Variants in PLCH2 observed in about 807,000 individuals in gnomAD.
PLCH2 encodes the protein phospholipase C eta 2.
In PLCH2, 98 loss-of-function variants were observed where a neutral mutation model predicts 134.7. The observed-to-expected ratio is 0.73, with a 90% confidence interval of 0.62 to 0.86. The LOEUF is 0.86. Ranked by LOEUF, PLCH2 falls within the 40% of genes least tolerant of loss-of-function variation. PLCH2 has a pLI of 0.00. For missense variants in PLCH2, 1,994 were observed against 1,986.6 expected (o/e 1.00, Z -0.07); for synonymous variants, 974 against 827.5 (o/e 1.18, Z -3.04).
upstream of PLCH2, among the ~76,000 whole-genome samples, chr1:2,466,424 C>G (rs1641059427): frequency 6.6e-6 from 1 of 152,236 alleles, no homozygotes; most frequent in African/African-American, 2.4e-5. Context: ...CAGCTGCGCC[C>G]AGGGGCCTTC....
intron 1 of PLCH2, among the ~76,000 whole-genome samples, chr1:2,426,824 G>T (rs1638821162): frequency 6.6e-6 from 1 of 152,266 alleles, no homozygotes; most frequent in African/African-American, 2.4e-5. Flanking sequence ...GCGTAGCCAG[G>T]CGGGCTCCAG....
rs186785235 is a variant in PLCH2, at chr1:2,491,192, G to A, written c.1516G>A (p.Ala506Thr). The change falls in exon 11 of 22, where the codon GCA (alanine) becomes ACA (threonine). Residue 506 changes from alanine (A) to threonine (T), a missense_variant and splice_region_variant. By Grantham distance (58) the Ala-to-Thr change is moderately conservative. This residue lies in a region of PLCH2 where 1,094 missense variants were observed against 1,234.3 expected (regional missense o/e 0.89). Transcript: ENST00000378486. Reference protein sequence around the residue: ...DDDCKLLNGDASTNRKRVENT... With the variant: ...DDDCKLLNGDTSTNRKRVENT... ...ACAGGCCGGCCTCTGGCTCCTGCAG[G>A]CATCCACCAATCGAAAGCGTGTAGA... The A allele has an allele frequency of 1.7e-5, 27 of 1,611,288 alleles. No homozygotes were observed. The African/African-American group carries it at 3.5e-4, about 21-fold the overall frequency.
chr1:2,442,149 G>A (rs191055918), intron 2 of PLCH2, among the ~76,000 whole-genome samples: 1,541 of 151,856 alleles, frequency 0.01, 15 homozygotes, highest in Middle Eastern at 0.034. Context: ...AGGCTCTGGG[G>A]CACAGCCAAG....
chr1:2,434,074 G>T (rs1639201627), intron 2 of PLCH2, among the ~76,000 whole-genome samples: 1 of 152,252 alleles, frequency 6.6e-6, no homozygotes, highest in Non-Finnish European at 1.5e-5. Context: ...TTCGTGGCGG[G>T]TCTCCCGTTG....
At chr1:2,479,474 G>A (rs1265414609) in intron 2 of PLCH2, 8 of 432,358 alleles carry the variant, frequency 1.9e-5, no homozygotes, top group Admixed American at 3.7e-5. Flanking sequence ...GGTGGAGGGA[G>A]GTGGATGCTC....
intron 20 of PLCH2, 41 bp from the exon 21 acceptor site, chr1:2,502,071 G>A (rs995899949): frequency 3.6e-6 from 5 of 1,408,312 alleles, no homozygotes; most frequent in Non-Finnish European, 4.6e-6. Flanking sequence ...CAGCTGGGCT[G>A]GGACCCCTGG....
the PLCH2 span, among the ~76,000 whole-genome samples, chr1:2,420,895 C>T: frequency 6.6e-6 from 1 of 151,522 alleles, no homozygotes; most frequent in Non-Finnish European, 1.5e-5. Flanking sequence ...TGTTCTGGTG[C>T]GAGTATTTTA....
intron 1 of PLCH2, among the ~76,000 whole-genome samples, chr1:2,468,211 G>T (rs556693790): frequency 6.6e-6 from 1 of 152,372 alleles, no homozygotes; most frequent in East Asian, 1.9e-4. Flanking sequence ...CCATGGACAG[G>T]GGCAGCTGCT....
chr1:2,470,946 G>C (rs978338146), intron 1 of PLCH2, among the ~76,000 whole-genome samples: 1 of 152,196 alleles, frequency 6.6e-6, no homozygotes, highest in African/African-American at 2.4e-5. Context: ...CGATGCCCCT[G>C]CTGGCCATGC....
chr1:2,449,921 G>A (rs563523086), intron 2 of PLCH2, among the ~76,000 whole-genome samples: 35 of 152,380 alleles, frequency 2.3e-4, no homozygotes, highest in Non-Finnish European at 3.8e-4. Flanking sequence ...AGTTGCAGCT[G>A]TAGCTGCAGT....
chr1:2,480,060 G>C, intron 3 of PLCH2, 83 bp downstream of exon 3: 1 of 1,579,170 alleles, frequency 6.3e-7, no homozygotes, highest in Middle Eastern at 1.7e-4. Flanking sequence ...GTCCTTTGCC[G>C]GGTCACACAC....
intron 16 of PLCH2, chr1:2,497,851 C>A (rs1306675441): frequency 8.3e-6 from 4 of 483,228 alleles, no homozygotes; most frequent in Non-Finnish European, 1.5e-5. Flanking sequence ...GGATGGAGAA[C>A]TGGGGAGCCT....
Position 2,504,041 on chromosome 1 carries a change from TCTC to T in PLCH2, c.3080_3082del (p.Ser1027_Gln1028delinsTer). The T allele has an allele frequency of 5.2e-6, 8 of 1,545,634 alleles. No homozygotes were observed. The South Asian group carries it at 6.0e-5, about 12-fold the overall frequency. On this transcript the variant is annotated stop_gained and inframe_deletion, in exon 22 of 22. Transcript: ENST00000378486. LOFTEE classifies it high-confidence loss of function. ...ACCAGCGGCTGTCCCCACCAGCTCT[TCTC>T]AGGGACGGCCCCCATACCCCACAGG...
chr1:2,442,922 C>T (rs61763909), intron 2 of PLCH2, among the ~76,000 whole-genome samples: 3,334 of 152,314 alleles, frequency 0.022, 54 homozygotes, highest in Non-Finnish European at 0.035. Context: ...TTCATGGCTG[C>T]CTGCAGCAGA....
At chr1:2,458,263 T>C (rs749720) in intron 2 of PLCH2, among the ~76,000 whole-genome samples, 22,565 of 152,238 alleles carry the variant, frequency 0.15, 1,847 homozygotes, top group East Asian at 0.28. Context: ...AGGCTGAGGA[T>C]GGGACAAGGG....
At chr1:2,451,159 A>AG (rs1640205285) in intron 2 of PLCH2, among the ~76,000 whole-genome samples, 1 of 152,028 alleles carries the variant, frequency 6.6e-6, no homozygotes, top group Non-Finnish European at 1.5e-5. Flanking sequence ...GCGCTCCAGG[A>AG]GGGAGGCCTG....
In PLCH2 at chr1:2,504,872, C is replaced by T. The variant is rs373072652; in HGVS notation, c.3910C>T (p.Arg1304Cys). 61 of 1,594,112 alleles carry T rather than the reference C, an allele frequency of 3.8e-5. No individual in the cohort carries two copies. The highest frequency in any genetic ancestry group is 1.7e-4 in the Middle Eastern group (1 of 6,032). ...ACGGGACACCCTGACAGAGCAGCTG[C>T]GCTGGCTCACTGTCTTCCAGCAGGC... is the stretch of plus-strand genomic sequence containing the variant. ...VRRDTLTEQL[R>C]WLTVFQQAGD... Residue 1304 changes from arginine to cysteine, a missense_variant, in exon 22 of 22, where the codon CGC becomes TGC. Coordinates refer to ENST00000378486, the MANE Select transcript of PLCH2 (RefSeq NM_014638.4).
upstream of PLCH2, among the ~76,000 whole-genome samples, chr1:2,421,047 C>T (rs938401903): frequency 2.6e-5 from 4 of 151,130 alleles, no homozygotes; most frequent in South Asian, 2.1e-4. Context: ...CGGGTTCAAT[C>T]GATTTTCCTG....
In PLCH2 at chr1:2,444,011, G is replaced by A. The variant is rs983935902; in HGVS notation, c.115+13382G>A. Among the ~76,000 whole-genome samples the A allele has an allele frequency of 1.3e-5, 2 of 152,184 alleles. No homozygotes were observed. The highest frequency in any genetic ancestry group is 2.9e-5 in the Non-Finnish European group (2 of 68,028). ...CTGCCGCTGCGCCGCTGCCAACCGG[G>A]ATGCGCGGGTGGACGCGCGGGGGCG... On this transcript the variant is annotated intron_variant, in intron 2 of 3. Transcript: ENST00000609981. The surrounding 1 kb of genome is among the most constrained non-coding windows in gnomAD (Gnocchi z 4.6).
Sources: allele counts gnomAD v4.1 joint callset (sites outside exome capture counted in the v4.1 genomes callset), GRCh38; gene constraint gnomAD v4.1.1; regional missense constraint gnomAD v4.1.1; non-coding constraint Gnocchi (gnomAD v3.1); transcripts MANE v1.5; gene names NCBI Gene and HGNC (gene_info 2026-07-23, HGNC 2026-07-21).